Variants in PRTG observed in about 807,000 individuals in gnomAD.
The protein encoded by PRTG is immunoglobulin superfamily, DCC subclass, member 5.
In PRTG, 67 loss-of-function variants were observed where a neutral mutation model predicts 122.5. The ratio of observed to expected loss-of-function variants is 0.55; its 90% CI spans 0.45 to 0.67. The LOEUF (loss-of-function observed/expected upper bound fraction) is 0.67. Ranked by LOEUF, PRTG falls within the 30% of genes least tolerant of loss-of-function variation. The pLI is 0.00. For synonymous variants in PRTG, 554 were observed against 501.1 expected, an observed-to-expected ratio of 1.11 and a Z score of -1.41; for missense variants, 1,435 against 1,415.4, an observed-to-expected ratio of 1.01 and a Z score of -0.22.
intron 11 of PRTG, among the ~76,000 whole-genome samples, chr15:55,647,947 CTG>C: frequency 6.6e-6 from 1 of 152,314 alleles, no homozygotes; most frequent in Non-Finnish European, 1.5e-5. Context: ...ATTGAAACAA[CTG>C]TGTTTTGTGT....
chr15:55,680,002 G>T, intron 6 of PRTG, 52 bp downstream of exon 6: 3 of 1,456,816 alleles, frequency 2.1e-6, no homozygotes, highest in South Asian at 2.4e-5. Flanking sequence ...GAGATAAAAC[G>T]GCAAATGTTA....
chr15:55,722,499 C>T (rs895928197), intron 2 of PRTG, among the ~76,000 whole-genome samples: 4 of 152,144 alleles, frequency 2.6e-5, no homozygotes, highest in African/African-American at 7.2e-5. Flanking sequence ...CATTTTCCTA[C>T]GTGTTCTAGA....
intron 2 of PRTG, among the ~76,000 whole-genome samples, chr15:55,721,134 T>A (rs2030807880): frequency 6.6e-6 from 1 of 152,156 alleles, no homozygotes; most frequent in African/African-American, 2.4e-5. Flanking sequence ...TCTCCCTGAT[T>A]CCCCACATCT....
At chr15:55,723,168 G>A (rs1180252676) in intron 2 of PRTG, among the ~76,000 whole-genome samples, 2 of 152,060 alleles carry the variant, frequency 1.3e-5, no homozygotes, top group African/African-American at 4.8e-5. Flanking sequence ...CCATGATACA[G>A]AATGTGATGT....
intron 11 of PRTG, among the ~76,000 whole-genome samples, chr15:55,656,658 C>T (rs1476380713): frequency 1.3e-5 from 2 of 152,170 alleles, no homozygotes; most frequent in African/African-American, 4.8e-5. Flanking sequence ...CAGGCTCCCG[C>T]CACCATGCCC....
rs2059136398 is a variant in PRTG at position 55,615,131 on chromosome 15, CT to C, written c.*4880del. 6.6e-6 allele frequency: 1 copy of C among 151,970 alleles called. No individual in the cohort carries two copies. The highest frequency in any genetic ancestry group is 1.5e-5 in the Non-Finnish European group (1 of 67,960). 9.4% of individuals were successfully genotyped at this position (151,970 alleles called of 1,614,324 possible). A position where few individuals can be genotyped will look rare whatever the true frequency, so the allele number is the denominator to read the frequency against. ...CTTCAGAGAGATGCTACATGGCTGG[CT>C]TTGAAGATGGAAGGAGGGGTTCCCA... On this transcript the variant is annotated 3_prime_UTR_variant, in exon 20 of 20. Coordinates refer to ENST00000389286, the MANE Select transcript of PRTG (RefSeq NM_173814.6).
rs1199032736 is a variant in PRTG, at chr15:55,619,988, C to T, written c.*24G>A. On this transcript the variant is annotated 3_prime_UTR_variant, in exon 20 of 20. Coordinates refer to ENST00000389286, the MANE Select transcript of PRTG (RefSeq NM_173814.6). ...ACACTTCCTCAATGCGGAATCTCCA[C>T]CTGAATCACTGCCAGTGAAAGAATC... The T allele has an allele frequency of 1.2e-6, 2 of 1,612,574 alleles. No individual in the cohort carries two copies. Among genetic ancestry groups the T allele is most frequent in the Non-Finnish European group, 1.7e-6 (2 of 1,179,246 alleles).
At chr15:55,734,625 GA>G (rs1437265652) in intron 2 of PRTG, among the ~76,000 whole-genome samples, 4 of 151,072 alleles carry the variant, frequency 2.6e-5, no homozygotes, top group African/African-American at 4.9e-5. Context: ...TTATAAACAC[GA>G]AAAAAGGGCA....
intron 11 of PRTG, among the ~76,000 whole-genome samples, chr15:55,671,898 C>T (rs1212608621): frequency 1.3e-5 from 2 of 152,144 alleles, no homozygotes; most frequent in African/African-American, 4.8e-5. Context: ...GGGAATAAAA[C>T]AATGTCTTTC....
rs989580703 is a variant in PRTG at position 55,693,007 on chromosome 15, A to AT, written c.398-9077dup. On this transcript the variant is annotated intron_variant, in intron 2 of 19. Coordinates refer to ENST00000389286, the MANE Select transcript of PRTG (RefSeq NM_173814.6). ...AGGTGGATGCCACCACGGCCAGCTA[A>AT]TTTTTTTTTTTTTTGTATTTTCAGT... Among the ~76,000 whole-genome samples the AT allele has an allele frequency of 5.3e-3, 746 of 142,012 alleles. 3 individuals carry two copies. The highest frequency in any genetic ancestry group is 0.017 in the East Asian group (81 of 4,864). 93.2% of individuals were successfully genotyped at this position (142,012 alleles called of 152,430 possible).
chr15:55,743,024 C>T lies in PRTG; in HGVS notation c.-93G>A. ...GGGCGCTCTCTGCTCTGCGGCTGGTCGCACGCAGCCTGGCTCCCCGCTCCG... is the reference window on the plus strand; with the variant it reads ...GGGCGCTCTCTGCTCTGCGGCTGGTTGCACGCAGCCTGGCTCCCCGCTCCG... On this transcript the variant is annotated 5_prime_UTR_variant, in exon 1 of 20. Transcript: ENST00000389286. 1 of 1,334,756 alleles carries T rather than the reference C, an allele frequency of 7.5e-7. No homozygotes were observed. The highest frequency in any genetic ancestry group is 9.6e-7 in the Non-Finnish European group (1 of 1,046,228). 82.7% of individuals were successfully genotyped at this position (1,334,756 alleles called of 1,614,324 possible). A position where few individuals can be genotyped will look rare whatever the true frequency, so the allele number is the denominator to read the frequency against.
rs1232765940 is a variant in PRTG, at chr15:55,620,071, C to T, written c.3394G>A (p.Glu1132Lys). Residue 1132 changes from glutamate to lysine, a missense_variant, in exon 20 of 20, where the codon GAG becomes AAG. Coordinates refer to ENST00000389286, the MANE Select transcript of PRTG (RefSeq NM_173814.6). ...GACAGATGTATCTCATCGTTGGACT[C>T]ATGAGAAAACCGCCCAGAATCCCCA... ...ETGDSGRFSH[E>K]SNDEIHLSSV... 16 of 1,614,032 alleles carry T rather than the reference C, an allele frequency of 9.9e-6. No individual in the cohort carries two copies. Among genetic ancestry groups the T allele is most frequent in the African/African-American group, 2.7e-5 (2 of 74,892 alleles).
chr15:55,736,578 C>T (rs866406044), intron 2 of PRTG, among the ~76,000 whole-genome samples: 1 of 151,830 alleles, frequency 6.6e-6, no homozygotes, highest in Admixed American at 6.6e-5. Context: ...AATAAAAAAC[C>T]TATACCCTTT....
At chr15:55,731,660 T>A (rs1021181717) in intron 2 of PRTG, among the ~76,000 whole-genome samples, 1 of 152,072 alleles carries the variant, frequency 6.6e-6, no homozygotes, top group East Asian at 1.9e-4. Flanking sequence ...TGAGCCACCA[T>A]GCCCAGCCAC....
chr15:55,721,859 A>C (rs1219085744), intron 2 of PRTG, among the ~76,000 whole-genome samples: 1 of 152,178 alleles, frequency 6.6e-6, no homozygotes. Flanking sequence ...ATCTCCTGAG[A>C]ACTTACTCAT....
chr15:55,686,475 C>A (rs545125496), intron 2 of PRTG, among the ~76,000 whole-genome samples: 1 of 152,170 alleles, frequency 6.6e-6, no homozygotes, highest in Non-Finnish European at 1.5e-5. Context: ...CACGACCCCA[C>A]AATGAATTAA....
intron 17 of PRTG, 66 bp downstream of exon 17, chr15:55,626,940 ATT>A (rs565455912): frequency 8.9e-6 from 13 of 1,467,586 alleles, no homozygotes; most frequent in Non-Finnish European, 1.2e-5. Flanking sequence ...CTTGACTTTC[ATT>A]TGTTTCCTGT....
At chr15:55,709,336 T>C (rs2030286608) in intron 2 of PRTG, among the ~76,000 whole-genome samples, 1 of 147,024 alleles carries the variant, frequency 6.8e-6, no homozygotes, top group Non-Finnish European at 1.5e-5. Context: ...TTAAAAAAAG[T>C]TTATATATAT....
intron 2 of PRTG, among the ~76,000 whole-genome samples, chr15:55,689,121 CT>C (rs1447473134): frequency 6.6e-6 from 1 of 152,194 alleles, no homozygotes; most frequent in East Asian, 1.9e-4. Flanking sequence ...TTCCCTTCCC[CT>C]CTTCAAAACA....
Sources: gnomAD v4.1 joint callset for allele counts (sites outside exome capture counted in the v4.1 genomes callset) on GRCh38, gnomAD v4.1.1 for gene constraint, MANE v1.5 for transcripts, NCBI Gene and HGNC (gene_info 2026-07-23, HGNC 2026-07-21) for gene names.